EPHA6: variants seen among roughly 807,000 people sequenced by gnomAD.
EPHA6 encodes the protein EPH receptor A6.
Under a neutral mutation model 112.0 loss-of-function variants are expected in EPHA6, and 50 were observed. The observed-to-expected ratio is 0.45, with a 90% CI of 0.36 to 0.56. The LOEUF (loss-of-function observed/expected upper bound fraction) is 0.56, where lower values mean the gene tolerates loss of function less well. Ranked by LOEUF, EPHA6 falls within the 20% of genes least tolerant of loss-of-function variation. The probability of loss-of-function intolerance (pLI) is 0.00; values close to 1 mark genes in which losing one functional copy is unlikely to be tolerated. For missense variants in EPHA6, 1,280 were observed against 1,417.4 expected (o/e 0.90, Z 1.56); for synonymous variants, 529 against 490.7 (o/e 1.08, Z -1.03).
chr3:96,843,663 G>A (rs1158894539), intron 1 of EPHA6, among the ~76,000 whole-genome samples: 2 of 151,928 alleles, frequency 1.3e-5, no homozygotes, highest in Non-Finnish European at 2.9e-5. Flanking sequence ...GTGTTGGAGC[G>A]AGGAGCAAGG....
At chr3:97,558,756 A>G (rs1577774239) in intron 11 of EPHA6, among the ~76,000 whole-genome samples, 1 of 151,956 alleles carries the variant, frequency 6.6e-6, no homozygotes. Context: ...GTAATATTTG[A>G]TATATGTTAA....
intron 2 of EPHA6, among the ~76,000 whole-genome samples, chr3:96,984,648 G>T (rs1210998254): frequency 1.3e-5 from 2 of 152,192 alleles, no homozygotes; most frequent in Non-Finnish European, 2.9e-5. Context: ...CCTGCCCCCA[G>T]AGGTGGCGTC....
intron 2 of EPHA6, among the ~76,000 whole-genome samples, chr3:96,868,166 G>C (rs547357508): frequency 6.8e-6 from 1 of 146,352 alleles, no homozygotes; most frequent in Admixed American, 6.9e-5. Flanking sequence ...GTGCGTGTGT[G>C]TGTGTGTGTG....
At chr3:96,981,025 A>C (rs1420068121) in intron 2 of EPHA6, among the ~76,000 whole-genome samples, 6 of 152,114 alleles carry the variant, frequency 3.9e-5, no homozygotes, top group African/African-American at 1.4e-4. Context: ...CTCTTTTCCT[A>C]ATTGAATACC....
chr3:96,962,960 C>T, intron 2 of EPHA6, among the ~76,000 whole-genome samples: 1 of 151,970 alleles, frequency 6.6e-6, no homozygotes, highest in East Asian at 1.9e-4. Flanking sequence ...TTGAGACCAG[C>T]ATGGGAAACA....
At chr3:97,341,262 A>T (rs72926335) in intron 5 of EPHA6, among the ~76,000 whole-genome samples, 5 of 152,136 alleles carry the variant, frequency 3.3e-5, no homozygotes, top group Admixed American at 1.3e-4. Flanking sequence ...ACTTTAAAGG[A>T]AAGGGAAAGA....
chr3:97,196,720 G>C (rs2077451720), intron 3 of EPHA6, among the ~76,000 whole-genome samples: 1 of 151,674 alleles, frequency 6.6e-6, no homozygotes, highest in African/African-American at 2.4e-5. Context: ...ATAATAGTGT[G>C]ACTCTTTCAG....
At chr3:97,361,238 T>TA (rs1321628445) in intron 5 of EPHA6, among the ~76,000 whole-genome samples, 2 of 152,204 alleles carry the variant, frequency 1.3e-5, no homozygotes, top group Non-Finnish European at 2.9e-5. Context: ...ACCGTGTTAA[T>TA]AAATAGCTTT....
intron 2 of EPHA6, among the ~76,000 whole-genome samples, chr3:96,930,657 C>T (rs985169805): frequency 6.6e-6 from 1 of 152,044 alleles, no homozygotes; most frequent in Non-Finnish European, 1.5e-5. Flanking sequence ...AACTGGGAGG[C>T]CTCACCCAGT....
chr3:96,834,282 A>C lies in EPHA6; in HGVS notation c.385+19274A>C, dbSNP rs78185512. The stretch of plus-strand genomic sequence containing the variant: ...ATGTGATTCTCAATGCATAGTGACC[A>C]TAATGGGGAATCTGCATGGTCTGCC... On this transcript the variant is annotated intron_variant, in intron 1 of 17. Coordinates refer to ENST00000389672, the MANE Select transcript of EPHA6 (RefSeq NM_001080448.3). 5.6e-3 allele frequency among the ~76,000 whole-genome samples: 847 copies of C among 152,184 alleles called. 8 individuals are homozygous for C. Among genetic ancestry groups the C allele is most frequent in the African/African-American group, 0.019 (798 of 41,566 alleles).
intron 6 of EPHA6, among the ~76,000 whole-genome samples, chr3:97,429,295 T>G (rs773246102): frequency 6.6e-6 from 1 of 152,170 alleles, no homozygotes; most frequent in Non-Finnish European, 1.5e-5. Flanking sequence ...TATGCATGTA[T>G]CTTTTTTTCC....
chr3:97,328,327 T>C (rs889024170), intron 5 of EPHA6, among the ~76,000 whole-genome samples: 12 of 151,916 alleles, frequency 7.9e-5, no homozygotes, highest in Non-Finnish European at 2.9e-5. Context: ...AAGCAAAATA[T>C]GTGTGATTCA....
intron 3 of EPHA6, among the ~76,000 whole-genome samples, chr3:97,185,612 G>A (rs1246469344): frequency 6.6e-6 from 1 of 152,062 alleles, no homozygotes; most frequent in Non-Finnish European, 1.5e-5. Flanking sequence ...TACACTGTTG[G>A]TGGGAATGTA....
chr3:97,051,259 A>G (rs762307860), intron 3 of EPHA6, among the ~76,000 whole-genome samples: 6 of 152,146 alleles, frequency 3.9e-5, no homozygotes, highest in Admixed American at 6.6e-5. Flanking sequence ...GATTTGGAAA[A>G]TGTCACTGGA....
At chr3:96,912,587 G>A (rs72916426) in intron 2 of EPHA6, among the ~76,000 whole-genome samples, 2,025 of 152,186 alleles carry the variant, frequency 0.013, 50 homozygotes, top group African/African-American at 0.045. Flanking sequence ...AGGCACAGAT[G>A]TTTTATTTTC....
intron 2 of EPHA6, among the ~76,000 whole-genome samples, chr3:96,910,234 T>G (rs1270580586): frequency 2.0e-5 from 3 of 152,036 alleles, no homozygotes; most frequent in African/African-American, 7.2e-5. Context: ...ATCCATCCAA[T>G]TTCTGAGGCA....
chr3:97,321,892 C>A (rs1008696475), intron 5 of EPHA6, among the ~76,000 whole-genome samples: 1 of 151,924 alleles, frequency 6.6e-6, no homozygotes, highest in South Asian at 2.1e-4. Context: ...AATGAAAAGG[C>A]GGAGCTCTTT....
At chr3:97,490,116 T>A (rs1365888259) in intron 10 of EPHA6, among the ~76,000 whole-genome samples, 3 of 152,036 alleles carry the variant, frequency 2.0e-5, no homozygotes, top group African/African-American at 7.2e-5. Context: ...TTTAAAAAAA[T>A]AATGAGTAAA....
chr3:97,624,818 A>G (rs1238518878), intron 13 of EPHA6, among the ~76,000 whole-genome samples: 1 of 151,488 alleles, frequency 6.6e-6, no homozygotes, highest in Non-Finnish European at 1.5e-5. Context: ...CATTTTATCC[A>G]GGTTATCTAA....
Sources: gnomAD v4.1 joint callset for allele counts (sites outside exome capture counted in the v4.1 genomes callset) on GRCh38, gnomAD v4.1.1 for gene constraint, MANE v1.5 for transcripts, NCBI Gene and HGNC (gene_info 2026-07-23, HGNC 2026-07-21) for gene names.